FOXP4: variants seen among roughly 807,000 people sequenced by gnomAD.
The protein encoded by FOXP4 is forkhead box protein P4.
In FOXP4, 25 loss-of-function variants were observed where a neutral mutation model predicts 82.6. That is an observed-to-expected ratio of 0.30 (90% CI 0.22 to 0.42). The LOEUF (loss-of-function observed/expected upper bound fraction) is 0.42. Ranked by LOEUF, FOXP4 falls within the 10% of genes least tolerant of loss-of-function variation. The pLI, the probability that FOXP4 is intolerant of heterozygous loss-of-function variation, is 1.00. For synonymous variants in FOXP4, 415 were observed against 388.2 expected (o/e 1.07, Z -0.81); for missense variants, 785 against 900.9 (o/e 0.87, Z 1.65).
At chr6:41,557,015 T>C (rs1261095520) in intron 1 of FOXP4, among the ~76,000 whole-genome samples, 1 of 152,148 alleles carries the variant, frequency 6.6e-6, no homozygotes, top group Non-Finnish European at 1.5e-5. Context: ...TTCTCCTCTC[T>C]CCATTTCAAG....
intron 1 of FOXP4, among the ~76,000 whole-genome samples, chr6:41,563,302 C>T (rs921139595): frequency 1.3e-5 from 2 of 152,140 alleles, no homozygotes; most frequent in African/African-American, 4.8e-5. Flanking sequence ...GAGCAAATGG[C>T]TTGGTAGAGT....
Position 41,598,999 on chromosome 6 carries a change from T to G in FOXP4, c.*63T>G. On this transcript the variant is annotated 3_prime_UTR_variant, in exon 17 of 17. Coordinates refer to ENST00000307972, the MANE Select transcript of FOXP4 (RefSeq NM_001012426.2). ...TCCCTTCCAGAATCCAGGCCCCATC[T>G]CCCCCAACTCCACAGCCCCTCCCGA... 6.8e-7 allele frequency: 1 copy of G among 1,461,290 alleles called. No homozygotes were observed. Among genetic ancestry groups the G allele is most frequent in the Admixed American group, 2.7e-5 (1 of 36,478 alleles). The allele number at this position is 1,461,290 out of a possible 1,614,324, so 90.5% of individuals were successfully genotyped here. A position where few individuals can be genotyped will look rare whatever the true frequency, so the allele number is the denominator to read the frequency against.
At chr6:41,568,150 A>G (rs1294423022) in intron 2 of FOXP4, among the ~76,000 whole-genome samples, 1 of 152,206 alleles carries the variant, frequency 6.6e-6, no homozygotes, top group African/African-American at 2.4e-5. Context: ...TCCTACTTGT[A>G]GGATAAACAA....
intron 2 of FOXP4, among the ~76,000 whole-genome samples, chr6:41,576,920 G>A (rs543627114): frequency 6.6e-6 from 1 of 152,268 alleles, no homozygotes; most frequent in South Asian, 2.1e-4. Flanking sequence ...CAATCTGGAA[G>A]CAGATAAATT....
intron 1 of FOXP4, among the ~76,000 whole-genome samples, chr6:41,551,801 GC>G (rs763956901): frequency 5.0e-4 from 76 of 152,218 alleles, no homozygotes; most frequent in Non-Finnish European, 9.3e-4. Context: ...AGGGAATGGA[GC>G]CAGGGACTCA....
intron 2 of FOXP4, among the ~76,000 whole-genome samples, chr6:41,575,173 T>TTAG (rs1388078212): frequency 2.0e-5 from 3 of 152,280 alleles, no homozygotes; most frequent in South Asian, 4.1e-4. Flanking sequence ...TTTCACCATG[T>TTAG]TAGCCAGGAT....
intron 1 of FOXP4, among the ~76,000 whole-genome samples, chr6:41,553,354 T>C (rs1186186521): frequency 6.6e-6 from 1 of 152,178 alleles, no homozygotes; most frequent in Non-Finnish European, 1.5e-5. Flanking sequence ...TGAGGCGAGC[T>C]TCAGCTTGGC....
At chr6:41,580,619 C>G (rs1450480054) in intron 3 of FOXP4, among the ~76,000 whole-genome samples, 2 of 152,176 alleles carry the variant, frequency 1.3e-5, no homozygotes, top group Non-Finnish European at 2.9e-5. Context: ...TGCCCCTATT[C>G]CTAAGTTTAT....
intron 1 of FOXP4, among the ~76,000 whole-genome samples, chr6:41,564,954 G>A (rs189269301): frequency 3.2e-4 from 49 of 152,300 alleles, no homozygotes; most frequent in Non-Finnish European, 5.1e-4. Flanking sequence ...TTTGCCCTGG[G>A]ATGGGAGCAA....
intron 2 of FOXP4, among the ~76,000 whole-genome samples, chr6:41,571,069 G>C (rs1581735215): frequency 1.3e-5 from 2 of 152,170 alleles, no homozygotes; most frequent in South Asian, 4.2e-4. Context: ...TGGTGGGAGG[G>C]ATGTATGTCT....
chr6:41,590,045 C>T lies in FOXP4; in HGVS notation c.1232C>T (p.Pro411Leu). Residue 411 changes from proline (P) to leucine (L), a missense_variant, in exon 11 of 17, where the codon CCC becomes CTC. Pro to Leu is a moderately conservative substitution (Grantham distance 98). Coordinates refer to ENST00000307972, the MANE Select transcript of FOXP4 (RefSeq NM_001012426.2). ...ADSFPDGLVH[P>L]PTSAAAPVTP... The stretch of plus-strand genomic sequence containing the variant: ...TCATTCCCAGATGGTCTCGTGCACC[C>T]CCCGACCTCGGCCGCAGCCCCTGTC... 6.2e-7 allele frequency: 1 copy of T among 1,613,974 alleles called. No homozygotes were observed. Among genetic ancestry groups the T allele is most frequent in the Non-Finnish European group, 8.5e-7 (1 of 1,179,984 alleles).
At chr6:41,575,321 G>A (rs181285453) in intron 2 of FOXP4, among the ~76,000 whole-genome samples, 2 of 152,206 alleles carry the variant, frequency 1.3e-5, no homozygotes, top group African/African-American at 2.4e-5. Context: ...TGAGCCCTGG[G>A]GGGGCAGAGG....
rs892614500 is a variant in FOXP4, at chr6:41,594,735, A to AC, written c.1537-129dup. 8.8e-6 allele frequency: 12 copies of AC among 1,370,618 alleles called. No homozygotes were observed. In the African/African-American group the frequency reaches 1.4e-4, roughly 16 times the overall value. 84.9% of individuals were successfully genotyped at this position (1,370,618 alleles called of 1,614,324 possible). On this transcript the variant is annotated intron_variant, in intron 13 of 16. Transcript: ENST00000307972. ...CTTTGGCTGGGTCTCCTCCCAGCCCACCCCCCTCCCCTGCTCATCCCTGAG... is the reference window on the plus strand; with the variant it reads ...CTTTGGCTGGGTCTCCTCCCAGCCCACCCCCCCTCCCCTGCTCATCCCTGAG...
At chr6:41,589,677 C>A in intron 9 of FOXP4, 94 bp from the exon 10 acceptor site, 2 of 1,290,416 alleles carry the variant, frequency 1.5e-6, no homozygotes, top group Non-Finnish European at 1.1e-6. Flanking sequence ...TGGGAATCGG[C>A]GGCCTTCTGA....
rs1401157426 is a variant in FOXP4 at position 41,591,243 on chromosome 6, G to T, written c.1457G>T (p.Arg486Met). The T allele has an allele frequency of 6.2e-7, 1 of 1,610,120 alleles. No individual in the cohort carries two copies. The highest frequency in any genetic ancestry group is 8.5e-7 in the Non-Finnish European group (1 of 1,178,250). ...CAGGCCATCCTGGAAACCCCTGACA[G>T]GCAGCTGACCCTGAATGAGATCTAT... ...IRQAILETPD[R>M]QLTLNEIYNW... is the part of the protein sequence containing the mutation. Residue 486 changes from arginine (R) to methionine (M), a missense_variant, in exon 13 of 17, where the codon AGG becomes ATG. By Grantham distance (91) the Arg-to-Met change is moderately conservative. This residue lies in a region of FOXP4 where 570 missense variants were observed against 634.0 expected (regional missense o/e 0.90). Transcript: ENST00000307972. The surrounding 1 kb of genome is among the most constrained non-coding windows in gnomAD (Gnocchi z 4.2).
In FOXP4 at chr6:41,589,998, G is replaced by A. The variant is rs1296951979; in HGVS notation, c.1185G>A (p.Lys395=). The A allele has an allele frequency of 6.2e-7, 1 of 1,613,844 alleles. No individual in the cohort carries two copies. Among genetic ancestry groups the A allele is most frequent in the Non-Finnish European group, 8.5e-7 (1 of 1,180,002 alleles). The change falls in exon 11 of 17, where the codon AAG becomes AAA. Residue 395 remains lysine, a synonymous_variant. Transcript: ENST00000307972. The part of the protein sequence containing the change: ...NPVPGSSSFS[K]VTVSAADSFP... Reference sequence around the variant, plus strand: ...TCCCCGGCTCCTCCTCATTCTCCAAGGTGACCGTCTCTGCAGCAGACTCAT... The same window carrying A: ...TCCCCGGCTCCTCCTCATTCTCCAAAGTGACCGTCTCTGCAGCAGACTCAT...
Position 41,591,197 on chromosome 6 carries a change from C to T in FOXP4, c.1435-24C>T. The T allele has an allele frequency of 3.1e-6, 5 of 1,588,996 alleles. No individual in the cohort carries two copies. The highest frequency in any genetic ancestry group is 4.3e-6 in the Non-Finnish European group (5 of 1,164,922). On this transcript the variant is annotated intron_variant, in intron 12 of 16. Transcript: ENST00000307972. The surrounding 1 kb of genome is among the most constrained non-coding windows in gnomAD (Gnocchi z 4.2). ...CCCTTCGAGGCCCAGGCTGACGGTCCCTTTGCTTGTTCCTTCCCCGCAGGC... is the reference window on the plus strand; with the variant it reads ...CCCTTCGAGGCCCAGGCTGACGGTCTCTTTGCTTGTTCCTTCCCCGCAGGC...
intron 1 of FOXP4, among the ~76,000 whole-genome samples, chr6:41,563,445 AC>A (rs1342903616): frequency 6.6e-6 from 1 of 152,144 alleles, no homozygotes; most frequent in African/African-American, 2.4e-5. Context: ...TCTCATTGTT[AC>A]CTACAAGGCC....
At chr6:41,582,164 G>T (rs1488268492) in intron 3 of FOXP4, among the ~76,000 whole-genome samples, 1 of 152,226 alleles carries the variant, frequency 6.6e-6, no homozygotes, top group African/African-American at 2.4e-5. Context: ...AGAATTTAAT[G>T]GCGTACAAGT....
Sources: gnomAD v4.1 joint callset for allele counts (sites outside exome capture counted in the v4.1 genomes callset) on GRCh38, gnomAD v4.1.1 for gene constraint, gnomAD v4.1.1 regional missense constraint, Gnocchi (gnomAD v3.1) non-coding constraint, MANE v1.5 for transcripts, NCBI Gene and HGNC (gene_info 2026-07-23, HGNC 2026-07-21) for gene names.